Variants in CERS3 observed in about 807,000 individuals in gnomAD.
CERS3 encodes the protein LAG1 homolog, ceramide synthase 3.
CERS3 carries 33 observed loss-of-function variants against 50.3 expected under a neutral mutation model. That is an observed-to-expected ratio of 0.66 (90% CI 0.50 to 0.88). The LOEUF (loss-of-function observed/expected upper bound fraction) is 0.88, where lower values mean the gene tolerates loss of function less well. CERS3 is among the 40% of genes least tolerant of loss of function. The pLI is 0.00. For missense variants in CERS3, 470 were observed against 460.3 expected (o/e 1.02, Z -0.19); for synonymous variants, 176 against 155.2 (o/e 1.13, Z -0.99).
intron 3 of CERS3, among the ~76,000 whole-genome samples, chr15:100,493,654 C>G (rs1261476239): frequency 6.6e-6 from 1 of 152,034 alleles, no homozygotes; most frequent in African/African-American, 2.4e-5. Context: ...TTCTGGAATT[C>G]CCATTATGTG....
intron 2 of CERS3, chr15:100,503,746 C>A (rs2142335990): frequency 2.1e-6 from 1 of 470,872 alleles, no homozygotes; most frequent in African/African-American, 2.0e-5. Flanking sequence ...AAGCATGCCT[C>A]AGGAGATGGA....
upstream of CERS3, among the ~76,000 whole-genome samples, chr15:100,531,778 A>G (rs1439452175): frequency 6.6e-6 from 1 of 152,216 alleles, no homozygotes; most frequent in Non-Finnish European, 1.5e-5. Flanking sequence ...GTGAGTTGAG[A>G]CATTAAATCA....
chr15:100,452,916 A>T (rs1231104581), intron 11 of CERS3, among the ~76,000 whole-genome samples: 1 of 152,126 alleles, frequency 6.6e-6, no homozygotes, highest in Non-Finnish European at 1.5e-5. Context: ...TTAAATTCAT[A>T]AACACATACA....
In CERS3 at chr15:100,449,719, G is replaced by A. The variant is rs149321198; in HGVS notation, c.999+6174C>T. Among the ~76,000 whole-genome samples the A allele has an allele frequency of 7.0e-3, 1,060 of 152,270 alleles. 12 individuals are homozygous for A. Among genetic ancestry groups the A allele is most frequent in the African/African-American group, 0.024 (997 of 41,560 alleles). ...CCAAAGTTCCCTACCAACAACCACT[G>A]CAAGTACATCTTCAGGAAAATATCC... On this transcript the variant is annotated intron_variant, in intron 11 of 11. Transcript: ENST00000679737.
chr15:100,532,974 C>A (rs1455752796), upstream of CERS3, among the ~76,000 whole-genome samples: 2 of 152,146 alleles, frequency 1.3e-5, no homozygotes, highest in Non-Finnish European at 2.9e-5. Flanking sequence ...GCCTCTAGAT[C>A]CCCACATGGA....
intron 3 of CERS3, among the ~76,000 whole-genome samples, chr15:100,493,386 AGATGCTGAT>A (rs1300580021): frequency 1.3e-5 from 2 of 152,188 alleles, no homozygotes; most frequent in Non-Finnish European, 2.9e-5. Context: ...TGGCCTACAT[AGATGCTGAT>A]GAGAAATCGA....
intron 2 of CERS3, among the ~76,000 whole-genome samples, chr15:100,502,118 A>T (rs962468690): frequency 3.3e-5 from 5 of 151,842 alleles, no homozygotes. Flanking sequence ...GGTGGTGCAC[A>T]CCTGTAGTCC....
intron 11 of CERS3, among the ~76,000 whole-genome samples, chr15:100,412,654 C>T (rs1417159654): frequency 6.6e-6 from 1 of 152,094 alleles, no homozygotes; most frequent in East Asian, 1.9e-4. Context: ...AGCTGTTCCA[C>T]GTATACAGAA....
At chr15:100,496,302 A>G (rs2035812467) in intron 3 of CERS3, among the ~76,000 whole-genome samples, 1 of 152,168 alleles carries the variant, frequency 6.6e-6, no homozygotes, top group African/African-American at 2.4e-5. Context: ...CCATCAACTA[A>G]AGGATAAACA....
At chr15:100,442,422 A>G (rs916841528) in intron 11 of CERS3, among the ~76,000 whole-genome samples, 5 of 152,200 alleles carry the variant, frequency 3.3e-5, no homozygotes, top group African/African-American at 1.2e-4. Context: ...GCCAAGTAAC[A>G]ATGTATTTCT....
At chr15:100,441,807 C>CT (rs34986594) in intron 11 of CERS3, among the ~76,000 whole-genome samples, 62,976 of 151,372 alleles carry the variant, frequency 0.42, 13,360 homozygotes, top group East Asian at 0.56. Flanking sequence ...CAGTCCCCCC[C>CT]AGTCTGTGTT....
intron 2 of CERS3, among the ~76,000 whole-genome samples, chr15:100,520,262 G>A (rs957395559): frequency 1.2e-4 from 19 of 152,192 alleles, no homozygotes; most frequent in African/African-American, 4.6e-4. Flanking sequence ...GGACATAAGT[G>A]AGGCTGGGAG....
chr15:100,403,301 T>G (rs955534650), intron 11 of CERS3, among the ~76,000 whole-genome samples: 2 of 152,040 alleles, frequency 1.3e-5, no homozygotes, highest in Non-Finnish European at 1.5e-5. Flanking sequence ...ATGTTTATAT[T>G]CAATAAGAAA....
chr15:100,450,072 T>C (rs1415494442), intron 11 of CERS3, among the ~76,000 whole-genome samples: 2 of 132,156 alleles, frequency 1.5e-5, no homozygotes. Flanking sequence ...ACAGAAATTC[T>C]GGAAGTAAAG....
chr15:100,448,788 A>G (rs529978560), intron 11 of CERS3, among the ~76,000 whole-genome samples: 17 of 152,368 alleles, frequency 1.1e-4, no homozygotes, highest in South Asian at 4.1e-4. Flanking sequence ...GTAGTGTGCC[A>G]TCACACATTT....
At chr15:100,503,658 T>A in intron 2 of CERS3, 2 of 470,216 alleles carry the variant, frequency 4.3e-6, no homozygotes, top group Non-Finnish European at 8.8e-6. Flanking sequence ...ATCAGTGGAA[T>A]GAGGACTGGA....
chr15:100,477,361 CT>C (rs2035162953), intron 7 of CERS3, among the ~76,000 whole-genome samples: 1 of 152,146 alleles, frequency 6.6e-6, no homozygotes. Flanking sequence ...ACTCCTCATC[CT>C]TGATAAGGCC....
At chr15:100,407,412 A>C (rs983401571) in intron 11 of CERS3, among the ~76,000 whole-genome samples, 1 of 152,232 alleles carries the variant, frequency 6.6e-6, no homozygotes, top group African/African-American at 2.4e-5. Context: ...TTAGGGAGCA[A>C]AGGCTAGGGA....
chr15:100,470,394 G>A (rs1397622714), intron 9 of CERS3, among the ~76,000 whole-genome samples: 1 of 152,232 alleles, frequency 6.6e-6, no homozygotes, highest in Non-Finnish European at 1.5e-5. Context: ...ACCAAGGGGT[G>A]AGAATATGGC....
Sources: allele counts gnomAD v4.1 joint callset (sites outside exome capture counted in the v4.1 genomes callset), GRCh38; gene constraint gnomAD v4.1.1; transcripts MANE v1.5; gene names NCBI Gene and HGNC (gene_info 2026-07-23, HGNC 2026-07-21).